The following PHYKPL variants were observed in gnomAD, a reference collection of about 807,000 sequenced individuals.
The protein encoded by PHYKPL is 5-phosphohydroxy-L-lysine phospho-lyase, also known as 5-phosphonooxy-L-lysine phospho-lyase.
Under a neutral mutation model 51.3 loss-of-function variants are expected in PHYKPL, and 42 were observed. The observed-to-expected ratio is 0.82, with a 90% CI of 0.64 to 1.06. PHYKPL has a LOEUF of 1.06. Among genes scored for constraint, PHYKPL ranks in the 50% least tolerant of loss-of-function variants. The pLI, the probability that PHYKPL is intolerant of heterozygous loss-of-function variation, is 0.00. For synonymous variants in PHYKPL, 264 were observed against 236.0 expected, an observed-to-expected ratio of 1.12 and a Z score of -1.09; for missense variants, 655 against 586.6, an observed-to-expected ratio of 1.12 and a Z score of -1.20.
At chr5:178,231,314 C>T (rs1561753097) in intron 2 of PHYKPL, 91 bp downstream of exon 2, 4 of 1,597,474 alleles carry the variant, frequency 2.5e-6, no homozygotes, top group East Asian at 4.5e-5. Flanking sequence ...CCAGGTTCTC[C>T]ACACCTCTCG....
At chr5:178,209,320 T>G in intron 12 of PHYKPL, 1 of 1,613,146 alleles carries the variant, frequency 6.2e-7, no homozygotes, top group Non-Finnish European at 8.5e-7. Flanking sequence ...ACTGTCCTCT[T>G]GACTTTTAGT....
intron 8 of PHYKPL, among the ~76,000 whole-genome samples, chr5:178,220,993 T>A (rs1761066242): frequency 6.6e-6 from 1 of 152,132 alleles, no homozygotes; most frequent in South Asian, 2.1e-4. Flanking sequence ...TTCAGAGTGA[T>A]GGGTGGAGAA....
Position 178,228,525 on chromosome 5 carries a change from C to T in PHYKPL, c.338+1415G>A, listed in dbSNP as rs1049499851. 1.1e-5 allele frequency: 8 copies of T among 702,334 alleles called. No homozygotes were observed. The African/African-American group carries it at 1.2e-4, about 11-fold the overall frequency. The allele number at this position is 702,334 out of a possible 1,614,324, so 43.5% of individuals were successfully genotyped here. A position where few individuals can be genotyped will look rare whatever the true frequency, so the allele number is the denominator to read the frequency against. On this transcript the variant is annotated intron_variant, in intron 3 of 12. Transcript: ENST00000308158. ...ACCAGCTCCCTTCTCTTTCCAGAGGCTCCAGCTCTTGACATGGCAAATGTC... is the reference window on the plus strand; with the variant it reads ...ACCAGCTCCCTTCTCTTTCCAGAGGTTCCAGCTCTTGACATGGCAAATGTC...
intron 9 of PHYKPL, 74 bp from the exon 10 acceptor site, chr5:178,214,959 C>T (rs1487281559): frequency 1.2e-5 from 16 of 1,365,796 alleles, no homozygotes; most frequent in Non-Finnish European, 1.5e-5. Context: ...CCTCTGGGCT[C>T]CTACCTGTGC....
At chr5:178,222,975 T>C (rs1438371624) in intron 6 of PHYKPL, 41 bp from the exon 7 acceptor site, 2 of 1,603,474 alleles carry the variant, frequency 1.2e-6, no homozygotes, top group Admixed American at 1.7e-5. Context: ...CATGGGGTTG[T>C]GCAGTGACCG....
intron 12 of PHYKPL, 77 bp downstream of exon 12, chr5:178,211,813 G>T (rs2113683187): frequency 9.5e-7 from 1 of 1,048,726 alleles, no homozygotes; most frequent in Non-Finnish European, 1.4e-6. Context: ...AAAAGGCTCA[G>T]CTTGCCGAGG....
chr5:178,224,851 C>T (rs13355310), intron 4 of PHYKPL, 122 bp from the exon 5 acceptor site: 127,023 of 711,512 alleles, frequency 0.18, 12,685 homozygotes, highest in Non-Finnish European at 0.2. Context: ...GACAGAGCCC[C>T]CAAGTTCTTG....
intron 12 of PHYKPL, chr5:178,210,304 C>T: frequency 1.2e-6 from 2 of 1,613,564 alleles, no homozygotes; most frequent in South Asian, 1.1e-5. Flanking sequence ...CCCATCCGCT[C>T]ACCCCTCGTC....
At chr5:178,221,702 T>TC (rs1262148439) in intron 8 of PHYKPL, among the ~76,000 whole-genome samples, 1 of 152,068 alleles carries the variant, frequency 6.6e-6, no homozygotes, top group East Asian at 1.9e-4. Flanking sequence ...GGCCTCCTCC[T>TC]CTCCTCCCTG....
At chr5:178,228,799 C>A (rs1413489185) in intron 3 of PHYKPL, among the ~76,000 whole-genome samples, 1 of 152,226 alleles carries the variant, frequency 6.6e-6, no homozygotes, top group Non-Finnish European at 1.5e-5. Context: ...TTTCACCTGG[C>A]CACTGAACTG....
intron 8 of PHYKPL, chr5:178,215,889 C>T (rs187937750): frequency 1.3e-5 from 2 of 156,324 alleles, no homozygotes; most frequent in East Asian, 3.8e-4. Context: ...TTCCCTCGCC[C>T]ACCCTGTCCT....
intron 1 of PHYKPL, chr5:178,232,271 G>C (rs920238145): frequency 4.0e-6 from 5 of 1,237,578 alleles, no homozygotes; most frequent in Non-Finnish European, 5.0e-6. Flanking sequence ...CGGCGCTGTC[G>C]GGGAGGCGGC....
Position 178,222,502 on chromosome 5 carries a change from C to T in PHYKPL, c.780G>A (p.Trp260Ter), listed in dbSNP as rs768933736. The T allele has an allele frequency of 3.1e-6, 5 of 1,614,232 alleles. No individual in the cohort carries two copies. The East Asian group carries it at 1.1e-4, about 36-fold the overall frequency. The change falls in exon 8 of 13, where the codon TGG (tryptophan) becomes TGA (stop). Residue 260 changes from tryptophan to a stop codon, truncating the protein, a stop_gained. Transcript: ENST00000308158. LOFTEE classifies it high-confidence loss of function. ...AGTCTTTTCCCTGGAGCTGGAAGGCCCAGAAGTGCTTGCCTACCCGGCCAA... is the reference window on the plus strand; with the variant it reads ...AGTCTTTTCCCTGGAGCTGGAAGGCTCAGAAGTGCTTGCCTACCCGGCCAA... Reference protein sequence around the residue: ...VGFGRVGKHFWAFQLQGKDFV... With the variant: ...VGFGRVGKHF
In PHYKPL at chr5:178,222,946, T is replaced by A; in HGVS notation, c.619-12A>T. 4 of 1,613,840 alleles carry A rather than the reference T, an allele frequency of 2.5e-6. 1 individual carries two copies. In the South Asian group the frequency reaches 4.4e-5, roughly 18 times the overall value. ...AAGAAGGCTGCAATCTGTGAAGAGA[T>A]GGACATTGGGAACACGACCATGGGG... On this transcript the variant is annotated splice_polypyrimidine_tract_variant and intron_variant, in intron 6 of 12. Transcript: ENST00000308158.
chr5:178,210,305 A>AC (rs781091002), intron 12 of PHYKPL: 2 of 1,613,092 alleles, frequency 1.2e-6, no homozygotes, highest in South Asian at 1.1e-5. Context: ...CCATCCGCTC[A>AC]CCCCTCGTCC....
At chr5:178,217,713 C>CTGGG (rs1760128618) in intron 8 of PHYKPL, among the ~76,000 whole-genome samples, 1 of 150,300 alleles carries the variant, frequency 6.7e-6, no homozygotes, top group Non-Finnish European at 1.5e-5. Context: ...AAAAGATTAG[C>CTGGG]TGGGCATCAT....
chr5:178,224,811 T>C, intron 4 of PHYKPL, 82 bp from the exon 5 acceptor site: 2 of 1,133,882 alleles, frequency 1.8e-6, no homozygotes, highest in South Asian at 1.5e-5. Context: ...TCCCCACCCC[T>C]GAAGACACAC....
At chr5:178,215,627 A>G in intron 8 of PHYKPL, 197 bp from the exon 9 acceptor site, 1 of 593,688 alleles carries the variant, frequency 1.7e-6, no homozygotes, top group Non-Finnish European at 2.9e-6. Context: ...CCAGGAGCTA[A>G]TGTGACTGCA....
At chr5:178,224,265 C>T in intron 6 of PHYKPL, 183 bp downstream of exon 6, 1 of 656,592 alleles carries the variant, frequency 1.5e-6, no homozygotes. Context: ...GGCTGGCTAC[C>T]ACGCCCATGC....
Sources: gnomAD v4.1 joint callset for allele counts (sites outside exome capture counted in the v4.1 genomes callset) on GRCh38, gnomAD v4.1.1 for gene constraint, MANE v1.5 for transcripts, NCBI Gene and HGNC (gene_info 2026-07-23, HGNC 2026-07-21) for gene names.